MPPED2: variants seen among roughly 807,000 people sequenced by gnomAD.
MPPED2 encodes metallophosphoesterase domain containing 2.
MPPED2 carries 5 observed loss-of-function variants against 33.0 expected under a neutral mutation model. That is an observed-to-expected ratio of 0.15 (90% CI 0.08 to 0.32). MPPED2 has a LOEUF of 0.32. Ranked by LOEUF, MPPED2 falls within the 10% of genes least tolerant of loss-of-function variation. The pLI is 1.00. For missense variants in MPPED2, 275 were observed against 372.1 expected (o/e 0.74, Z 2.15); for synonymous variants, 136 against 141.9 (o/e 0.96, Z 0.29).
intron 4 of MPPED2, among the ~76,000 whole-genome samples, chr11:30,491,054 A>G (rs1440653279): frequency 6.6e-6 from 1 of 152,176 alleles, no homozygotes; most frequent in Non-Finnish European, 1.5e-5. Flanking sequence ...TCAAACAATC[A>G]ATTTACATTA....
At position 30,495,504 on chromosome 11, in the gene MPPED2, A is replaced by G; in HGVS notation, c.328T>C (p.Tyr110His). ...NDWLGNLPYE[Y>H]KIVIAGNHEL... ...TGATTCCCAGCAATCACTATTTTAT[A>G]TTCATATGGCAGGTTTCCTGAAATA... Residue 110 changes from tyrosine to histidine, a missense_variant, in exon 4 of 7, where the codon TAT (tyrosine) becomes CAT (histidine). Coordinates refer to ENST00000358117, the MANE Select transcript of MPPED2 (RefSeq NM_001584.3). 6.2e-7 allele frequency: 1 copy of G among 1,613,862 alleles called. No homozygotes were observed. The highest frequency in any genetic ancestry group is 1.1e-5 in the South Asian group (1 of 91,054).
At chr11:30,580,723 A>G (rs1439693342) in intron 1 of MPPED2, among the ~76,000 whole-genome samples, 1 of 152,192 alleles carries the variant, frequency 6.6e-6, no homozygotes, top group African/African-American at 2.4e-5. Flanking sequence ...ATGGAGTTCA[A>G]ACTAAGATTT....
intron 4 of MPPED2, among the ~76,000 whole-genome samples, chr11:30,420,708 A>T (rs1948572335): frequency 6.6e-6 from 1 of 152,112 alleles, no homozygotes; most frequent in Non-Finnish European, 1.5e-5. Context: ...GGCACCTGGC[A>T]TTGGAGGCCT....
chr11:30,550,091 A>G (rs1169027442), intron 2 of MPPED2, among the ~76,000 whole-genome samples: 1 of 152,296 alleles, frequency 6.6e-6, no homozygotes, highest in Non-Finnish European at 1.5e-5. Flanking sequence ...ATGCCCCCCA[A>G]TGTCCATTGT....
At chr11:30,525,903 T>C (rs1173614199) in intron 3 of MPPED2, among the ~76,000 whole-genome samples, 1 of 152,184 alleles carries the variant, frequency 6.6e-6, no homozygotes, top group Non-Finnish European at 1.5e-5. Context: ...ACAAAAGACC[T>C]AGTCATCTTG....
intron 3 of MPPED2, among the ~76,000 whole-genome samples, chr11:30,513,960 C>G (rs1590662150): frequency 6.6e-6 from 1 of 152,150 alleles, no homozygotes; most frequent in East Asian, 1.9e-4. Flanking sequence ...CCAAGGGACT[C>G]CATTCTAGGA....
At chr11:30,496,419 C>A (rs1189802160) in intron 3 of MPPED2, among the ~76,000 whole-genome samples, 1 of 152,130 alleles carries the variant, frequency 6.6e-6, no homozygotes, top group Non-Finnish European at 1.5e-5. Flanking sequence ...AATTAATGTT[C>A]TTTTCCTTAC....
intron 3 of MPPED2, among the ~76,000 whole-genome samples, chr11:30,500,290 T>C (rs1005407764): frequency 6.6e-6 from 1 of 152,192 alleles, no homozygotes; most frequent in Non-Finnish European, 1.5e-5. Context: ...CCTCCCTCTC[T>C]GATATTTCCT....
In MPPED2 at chr11:30,489,496, G is replaced by A. The variant is rs146289531; in HGVS notation, c.536+5800C>T. ...ATAGGAAATGAGGGGAAGAGAGGAA[G>A]GGAAAACAAATCCTGCTCACACTTC... On this transcript the variant is annotated intron_variant, in intron 4 of 6. Coordinates refer to ENST00000358117, the MANE Select transcript of MPPED2 (RefSeq NM_001584.3). 2.3e-3 allele frequency among the ~76,000 whole-genome samples: 349 copies of A among 152,322 alleles called. 1 individual carries two copies. Among genetic ancestry groups the A allele is most frequent in the Middle Eastern group, 0.017 (5 of 294 alleles).
chr11:30,454,099 G>T (rs1950178028), intron 4 of MPPED2, among the ~76,000 whole-genome samples: 1 of 152,140 alleles, frequency 6.6e-6, no homozygotes, highest in African/African-American at 2.4e-5. Flanking sequence ...AAGGGAGGGG[G>T]CTTCTTTTTA....
At chr11:30,395,206 A>G (rs755449961) in intron 6 of MPPED2, among the ~76,000 whole-genome samples, 1 of 152,206 alleles carries the variant, frequency 6.6e-6, no homozygotes, top group Non-Finnish European at 1.5e-5. Flanking sequence ...GAATGTGAAG[A>G]GAAAAATGGG....
intron 6 of MPPED2, among the ~76,000 whole-genome samples, chr11:30,395,702 C>T (rs1194303985): frequency 6.6e-6 from 1 of 152,154 alleles, no homozygotes; most frequent in Non-Finnish European, 1.5e-5. Context: ...TAGATTGTCA[C>T]ACTGGCTACA....
At chr11:30,405,286 G>A (rs1470273398), downstream of MPPED2, among the ~76,000 whole-genome samples, 4 of 152,124 alleles carry the variant, frequency 2.6e-5, no homozygotes, top group Non-Finnish European at 4.4e-5. Context: ...GACAGAAATG[G>A]GCTATGAAAT....
intron 4 of MPPED2, among the ~76,000 whole-genome samples, chr11:30,457,457 C>T (rs960895411): frequency 1.3e-5 from 2 of 151,940 alleles, no homozygotes; most frequent in Non-Finnish European, 2.9e-5. Flanking sequence ...AAATTACCCC[C>T]TTTGTATTTT....
In MPPED2 at chr11:30,411,027, AAAC is replaced by A. The variant is rs1002044625; in HGVS notation, c.*438_*440del. On this transcript the variant is annotated 3_prime_UTR_variant, in exon 7 of 7. Transcript: ENST00000358117. ...CTGCAAAAAAGAAGCATTACCAAGA[AAAC>A]AACAACAACAAAACATTGAAAATTA... 1.1e-4 allele frequency: 108 copies of A among 985,930 alleles called. No homozygotes were observed. In the Admixed American group the frequency reaches 1.3e-3, roughly 12 times the overall value. The allele number at this position is 985,930 out of a possible 1,614,324, so 61.1% of individuals were successfully genotyped here.
At chr11:30,471,892 A>G (rs1229835616) in intron 4 of MPPED2, among the ~76,000 whole-genome samples, 3 of 152,164 alleles carry the variant, frequency 2.0e-5, no homozygotes, top group Admixed American at 2.0e-4. Context: ...TTGAAGGACA[A>G]CTAATCAATT....
At chr11:30,450,329 GACA>G (rs2133945307) in intron 4 of MPPED2, among the ~76,000 whole-genome samples, 1 of 152,290 alleles carries the variant, frequency 6.6e-6, no homozygotes, top group Non-Finnish European at 1.5e-5. Flanking sequence ...GAATAATAAA[GACA>G]ACAACTAAAG....
intron 2 of MPPED2, among the ~76,000 whole-genome samples, chr11:30,563,484 C>T (rs1053765421): frequency 3.3e-5 from 5 of 152,130 alleles, no homozygotes; most frequent in Non-Finnish European, 7.4e-5. Flanking sequence ...TAGCCTCAAT[C>T]ACTTAGTGCC....
At chr11:30,557,703 T>C (rs1956044930) in intron 2 of MPPED2, among the ~76,000 whole-genome samples, 1 of 152,240 alleles carries the variant, frequency 6.6e-6, no homozygotes, top group African/African-American at 2.4e-5. Context: ...CCCATTTATA[T>C]AGAATGATCT....
Sources: gnomAD v4.1 joint callset for allele counts (sites outside exome capture counted in the v4.1 genomes callset) on GRCh38, gnomAD v4.1.1 for gene constraint, MANE v1.5 for transcripts, NCBI Gene and HGNC (gene_info 2026-07-23, HGNC 2026-07-21) for gene names.